The following ATP6V1H variants were observed in gnomAD, a reference collection of about 807,000 sequenced individuals.
ATP6V1H encodes V-type proton ATPase subunit H.
A neutral mutation model predicts 71.7 loss-of-function variants in ATP6V1H; 39 were observed. The ratio of observed to expected loss-of-function variants is 0.54; its 90% CI spans 0.42 to 0.71. ATP6V1H has a LOEUF of 0.71. ATP6V1H is among the 30% of genes least tolerant of loss of function. The pLI is 0.00. For missense variants in ATP6V1H, 509 were observed against 594.9 expected, an observed-to-expected ratio of 0.86 and a Z score of 1.50; for synonymous variants, 192 against 199.3, an observed-to-expected ratio of 0.96 and a Z score of 0.31.
intron 12 of ATP6V1H, among the ~76,000 whole-genome samples, chr8:53,746,877 T>C (rs915014362): frequency 1.3e-5 from 2 of 152,188 alleles, no homozygotes; most frequent in Non-Finnish European, 2.9e-5. Context: ...GTACTTCATT[T>C]ATGAGCTATT....
intron 4 of ATP6V1H, among the ~76,000 whole-genome samples, chr8:53,819,677 T>TGTATATACAAATGTATATATGTATATAC (rs1810582996): frequency 3.8e-5 from 4 of 105,014 alleles, no homozygotes; most frequent in South Asian, 3.2e-4. Flanking sequence ...TATATACATA[T>TGTATATACAAATGTATATATGTATATAC]GTATATACAA....
In ATP6V1H at chr8:53,715,796, A is replaced by T; in HGVS notation, c.*168T>A. ...GAATCACCTACTTTTATACAACTTA[A>T]CAGGCAAACATGTTATTTTGTTGTT... On this transcript the variant is annotated 3_prime_UTR_variant, in exon 14 of 14. Coordinates refer to ENST00000359530, the MANE Select transcript of ATP6V1H (RefSeq NM_015941.4). 1 of 531,090 alleles carries T rather than the reference A, an allele frequency of 1.9e-6. No homozygotes were observed. Among genetic ancestry groups the T allele is most frequent in the Non-Finnish European group, 3.3e-6 (1 of 301,774 alleles). The allele number at this position is 531,090 out of a possible 1,614,324, so 32.9% of individuals were successfully genotyped here.
At chr8:53,817,078 T>A (rs1439693689) in intron 5 of ATP6V1H, among the ~76,000 whole-genome samples, 2 of 152,160 alleles carry the variant, frequency 1.3e-5, no homozygotes, top group Non-Finnish European at 2.9e-5. Flanking sequence ...GAAAGCTATG[T>A]CATAGTAGTT....
At chr8:53,839,416 C>T (rs1186051585) in intron 2 of ATP6V1H, among the ~76,000 whole-genome samples, 1 of 152,134 alleles carries the variant, frequency 6.6e-6, no homozygotes, top group East Asian at 1.9e-4. Context: ...ATCAGCAAGT[C>T]TCCCCTCCTC....
chr8:53,787,246 A>C (rs1466185635), intron 9 of ATP6V1H, among the ~76,000 whole-genome samples: 1 of 152,242 alleles, frequency 6.6e-6, no homozygotes, highest in Non-Finnish European at 1.5e-5. Flanking sequence ...TCTACTAAGC[A>C]AGATAGAAGT....
At chr8:53,743,372 T>C (rs1276770074) in intron 13 of ATP6V1H, among the ~76,000 whole-genome samples, 1 of 152,180 alleles carries the variant, frequency 6.6e-6, no homozygotes, top group Admixed American at 6.5e-5. Flanking sequence ...ATTTTGAATA[T>C]ACACTCCTTG....
rs973635566 is a variant in ATP6V1H at position 53,772,547 on chromosome 8, T to C, written c.871-380A>G. Among the ~76,000 whole-genome samples the C allele has an allele frequency of 3.3e-5, 5 of 152,084 alleles. No homozygotes were observed. In the South Asian group the frequency reaches 1.0e-3, roughly 32 times the overall value. On this transcript the variant is annotated intron_variant, in intron 9 of 13. Coordinates refer to ENST00000359530, the MANE Select transcript of ATP6V1H (RefSeq NM_015941.4). ...ACTAAGAGAGAGTGTTTCTTCAAGT[T>C]TGCAATCAAGCCAAGTTCTCCAGTT... is the stretch of plus-strand genomic sequence containing the variant.
intron 2 of ATP6V1H, among the ~76,000 whole-genome samples, chr8:53,839,015 C>T (rs1421350178): frequency 6.6e-6 from 1 of 152,118 alleles, no homozygotes; most frequent in Non-Finnish European, 1.5e-5. Context: ...GAACATTTGC[C>T]CACAGGCCTA....
intron 9 of ATP6V1H, among the ~76,000 whole-genome samples, chr8:53,772,828 A>G (rs1223285107): frequency 6.6e-6 from 1 of 151,990 alleles, no homozygotes; most frequent in Non-Finnish European, 1.5e-5. Flanking sequence ...CTCTTGGAAC[A>G]AGAAGCAACA....
intron 13 of ATP6V1H, among the ~76,000 whole-genome samples, chr8:53,727,271 C>T (rs563219233): frequency 2.2e-4 from 33 of 152,322 alleles, no homozygotes; most frequent in Non-Finnish European, 3.8e-4. Context: ...CTCATCCTCT[C>T]GGCTTATTTT....
intron 7 of ATP6V1H, among the ~76,000 whole-genome samples, chr8:53,807,991 T>C (rs1810145266): frequency 6.6e-6 from 1 of 152,182 alleles, no homozygotes; most frequent in Non-Finnish European, 1.5e-5. Context: ...ATTGCTCCAC[T>C]AAATCAAGAG....
In ATP6V1H at chr8:53,766,678, C is replaced by G. The variant is rs529639540; in HGVS notation, c.1175+2940G>C. Reference sequence around the variant, plus strand: ...GGGGTAGGTCTCTGAACTGGCCCCCCCAGGGTGTACCTGTCTCTTATGGTT... The same window carrying G: ...GGGGTAGGTCTCTGAACTGGCCCCCGCAGGGTGTACCTGTCTCTTATGGTT... On this transcript the variant is annotated intron_variant, in intron 11 of 13. Transcript: ENST00000359530. 4.5e-3 allele frequency among the ~76,000 whole-genome samples: 689 copies of G among 152,232 alleles called. 4 individuals are homozygous for G. The highest frequency in any genetic ancestry group is 6.3e-3 in the Non-Finnish European group (428 of 67,998).
At chr8:53,769,319 T>C (rs1316043760) in intron 11 of ATP6V1H, among the ~76,000 whole-genome samples, 2 of 152,066 alleles carry the variant, frequency 1.3e-5, no homozygotes, top group African/African-American at 4.8e-5. Flanking sequence ...TAAAATGGCA[T>C]GCAACAGAGT....
chr8:53,796,696 C>T (rs1266079196), intron 8 of ATP6V1H, among the ~76,000 whole-genome samples: 4 of 152,134 alleles, frequency 2.6e-5, no homozygotes, highest in South Asian at 4.2e-4. Flanking sequence ...AATCTATTAA[C>T]ATTGGATCAT....
intron 13 of ATP6V1H, among the ~76,000 whole-genome samples, chr8:53,732,745 G>A (rs1330430211): frequency 6.6e-6 from 1 of 151,418 alleles, no homozygotes; most frequent in Non-Finnish European, 1.5e-5. Context: ...GAAACAACAA[G>A]AGAAACCAGT....
chr8:53,773,032 A>G (rs1808730607), intron 9 of ATP6V1H, among the ~76,000 whole-genome samples: 1 of 151,706 alleles, frequency 6.6e-6, no homozygotes, highest in Admixed American at 6.6e-5. Flanking sequence ...AAAGTGATTT[A>G]GCTTAGTATG....
At chr8:53,821,852 C>A (rs1472604546) in intron 4 of ATP6V1H, among the ~76,000 whole-genome samples, 1 of 152,116 alleles carries the variant, frequency 6.6e-6, no homozygotes, top group Non-Finnish European at 1.5e-5. Flanking sequence ...AAATTCCTCT[C>A]CCAAGAAAAC....
intron 11 of ATP6V1H, among the ~76,000 whole-genome samples, chr8:53,762,313 G>A (rs1191550070): frequency 6.6e-6 from 1 of 151,696 alleles, no homozygotes. Context: ...AGACAACAGT[G>A]TAACATTATC....
In ATP6V1H at chr8:53,841,675, T is replaced by C. The variant is rs1332184943; in HGVS notation, c.16A>G (p.Ile6Val). MTKMD[I>V]RGAVDAAVPT... ...ACAGCAGCATCCACAGCACCTCGGA[T>C]ATCCATTTTGGTCATCTAAACTTCG... Residue 6 changes from isoleucine to valine, a missense_variant, in exon 2 of 14, where the codon ATC becomes GTC. Around this residue, in one of 2 missense-constraint regions of ATP6V1H, gnomAD observed 297 missense variants for 303.3 expected, o/e 0.98. Transcript: ENST00000359530. 6.2e-7 allele frequency: 1 copy of C among 1,613,970 alleles called. No homozygotes were observed. The highest frequency in any genetic ancestry group is 1.1e-5 in the South Asian group (1 of 91,050).
Sources: allele counts gnomAD v4.1 joint callset (sites outside exome capture counted in the v4.1 genomes callset), GRCh38; gene constraint gnomAD v4.1.1; regional missense constraint gnomAD v4.1.1; transcripts MANE v1.5; gene names NCBI Gene and HGNC (gene_info 2026-07-23, HGNC 2026-07-21).